The following LYN variants were observed in gnomAD, a reference collection of about 807,000 sequenced individuals.
The protein encoded by LYN is LYN proto-oncogene, Src family tyrosine kinase.
A neutral mutation model predicts 65.0 loss-of-function variants in LYN; 12 were observed. The ratio of observed to expected loss-of-function variants is 0.18; its 90% CI spans 0.12 to 0.30. The LOEUF is 0.30. Among genes scored for constraint, LYN ranks in the 10% least tolerant of loss-of-function variants. LYN has a pLI of 1.00. For synonymous variants in LYN, 222 were observed against 221.2 expected (o/e 1.00, Z -0.03); for missense variants, 380 against 623.2 (o/e 0.61, Z 4.16).
chr8:55,947,166 T>C (rs963833095), intron 3 of LYN, among the ~76,000 whole-genome samples: 3 of 152,212 alleles, frequency 2.0e-5, no homozygotes, highest in Admixed American at 6.5e-5. Flanking sequence ...GGAGAATAGC[T>C]TGAACCCAGG....
intron 1 of LYN, among the ~76,000 whole-genome samples, chr8:55,918,014 A>G (rs1361391200): frequency 6.6e-6 from 1 of 152,352 alleles, no homozygotes; most frequent in Middle Eastern, 3.4e-3. Flanking sequence ...TATTGCACCA[A>G]ACTGCACAAA....
At chr8:55,916,645 T>C (rs1805787935) in intron 1 of LYN, among the ~76,000 whole-genome samples, 1 of 152,148 alleles carries the variant, frequency 6.6e-6, no homozygotes, top group East Asian at 1.9e-4. Context: ...AATTCCACAA[T>C]GCCTCTCCCT....
chr8:55,993,002 TG>T (rs1352335125), intron 10 of LYN, among the ~76,000 whole-genome samples: 1 of 152,138 alleles, frequency 6.6e-6, no homozygotes, highest in East Asian at 1.9e-4. Context: ...GCATTTGCAG[TG>T]GGGGTAAGAT....
chr8:56,008,767 C>T (rs1174150444), intron 12 of LYN, among the ~76,000 whole-genome samples: 2 of 152,138 alleles, frequency 1.3e-5, no homozygotes, highest in Non-Finnish European at 2.9e-5. Flanking sequence ...CAGGAATATG[C>T]AAATCCAGAG....
intron 1 of LYN, among the ~76,000 whole-genome samples, chr8:55,881,959 A>T (rs1457424594): frequency 6.6e-6 from 1 of 152,224 alleles, no homozygotes; most frequent in Non-Finnish European, 1.5e-5. Flanking sequence ...AACTGAGGAC[A>T]TAGGGAGATG....
intron 1 of LYN, among the ~76,000 whole-genome samples, chr8:55,899,181 A>G (rs187105731): frequency 6.6e-6 from 1 of 152,312 alleles, no homozygotes; most frequent in Non-Finnish European, 1.5e-5. Context: ...ATATAGTAAG[A>G]ATAGCAATCC....
chr8:55,910,574 G>A (rs1379354147), intron 1 of LYN, among the ~76,000 whole-genome samples: 2 of 152,186 alleles, frequency 1.3e-5, no homozygotes, highest in Admixed American at 6.5e-5. Flanking sequence ...TTGAAGTCAA[G>A]TAATATGATG....
chr8:55,896,903 C>A, intron 1 of LYN, among the ~76,000 whole-genome samples: 1 of 152,122 alleles, frequency 6.6e-6, no homozygotes, highest in South Asian at 2.1e-4. Context: ...TCACCCCCAG[C>A]TAATTTTTGT....
At chr8:55,984,290 C>T (rs1269856541) in intron 10 of LYN, among the ~76,000 whole-genome samples, 1 of 152,168 alleles carries the variant, frequency 6.6e-6, no homozygotes, top group Non-Finnish European at 1.5e-5. Context: ...TCCGGCCACT[C>T]CGAAGCTTCT....
chr8:55,983,612 A>T (rs1285050538), intron 10 of LYN, among the ~76,000 whole-genome samples: 2 of 140,074 alleles, frequency 1.4e-5, no homozygotes, highest in Non-Finnish European at 3.0e-5. Flanking sequence ...CACTACATCC[A>T]AAGGGCACCC....
intron 1 of LYN, among the ~76,000 whole-genome samples, chr8:55,908,998 TATATATATATATACACACACACACACAC>T (rs146006739): frequency 0.25 from 15,674 of 63,054 alleles, 3,225 homozygotes; most frequent in Middle Eastern, 0.41. Flanking sequence ...TGTATATATA[TATATATATATATACACACACACACACAC>T]ACACACACAC....
chr8:55,933,356 G>A (rs1474081003), intron 1 of LYN, among the ~76,000 whole-genome samples: 1 of 152,188 alleles, frequency 6.6e-6, no homozygotes, highest in Non-Finnish European at 1.5e-5. Flanking sequence ...TATTTAACCA[G>A]TGACCTATAA....
intron 1 of LYN, among the ~76,000 whole-genome samples, chr8:55,891,887 T>C (rs1055632564): frequency 2.0e-5 from 3 of 152,218 alleles, no homozygotes; most frequent in African/African-American, 7.2e-5. Context: ...ACAGGATCTT[T>C]ACTCTTCGTC....
At chr8:55,950,366 T>G (rs1290577204) in intron 4 of LYN, 93 bp from the exon 5 acceptor site, 5 of 837,944 alleles carry the variant, frequency 6.0e-6, no homozygotes, top group Non-Finnish European at 7.7e-6. Context: ...TATCTGTACA[T>G]AAATACATAT....
In LYN at chr8:56,011,499, C is replaced by T. The variant is rs2668011; in HGVS notation, c.*1389C>T. 41,638 of 197,724 alleles carry T rather than the reference C, an allele frequency of 0.21. 4,865 individuals are homozygous for T. The highest frequency in any genetic ancestry group is 0.28 in the Middle Eastern group (167 of 586). The allele number at this position is 197,724 out of a possible 1,614,324, so 12.2% of individuals were successfully genotyped here. On this transcript the variant is annotated 3_prime_UTR_variant, in exon 13 of 13. Transcript: ENST00000519728. ...CAGAGCTACATGCTTTAAACTTGCC[C>T]AAGTTCTACCTCCTTCCTTTGAACA... is the stretch of plus-strand genomic sequence containing the variant.
chr8:55,998,508 C>A lies in LYN; in HGVS notation c.1204+9C>A. 1 of 1,597,062 alleles carries A rather than the reference C, an allele frequency of 6.3e-7. No individual in the cohort carries two copies. Among genetic ancestry groups the A allele is most frequent in the Non-Finnish European group, 8.6e-7 (1 of 1,165,640 alleles). ...GTACACAGCAAGGGAAGGTATGTTGCACTAATGATCTTTAGATGTTTTATT... is the reference window on the plus strand; with the variant it reads ...GTACACAGCAAGGGAAGGTATGTTGAACTAATGATCTTTAGATGTTTTATT... On this transcript the variant is annotated intron_variant, in intron 11 of 12. Transcript: ENST00000519728.
chr8:56,002,801 A>T (rs1019195384), intron 12 of LYN, among the ~76,000 whole-genome samples: 1 of 152,034 alleles, frequency 6.6e-6, no homozygotes, highest in Admixed American at 6.6e-5. Flanking sequence ...TCTTCAGGAG[A>T]TCGGGATCAG....
intron 1 of LYN, among the ~76,000 whole-genome samples, chr8:55,939,537 G>A (rs74392075): frequency 1.1e-4 from 16 of 152,028 alleles, no homozygotes; most frequent in African/African-American, 2.9e-4. Context: ...CGCAGTGGGG[G>A]GGGGACAGGG....
chr8:55,898,663 G>A (rs569604988), intron 1 of LYN, among the ~76,000 whole-genome samples: 2 of 152,270 alleles, frequency 1.3e-5, no homozygotes, highest in African/African-American at 2.4e-5. Flanking sequence ...GTGATTTTTA[G>A]TATGTTCACA....
Sources: gnomAD v4.1 joint callset for allele counts (sites outside exome capture counted in the v4.1 genomes callset) on GRCh38, gnomAD v4.1.1 for gene constraint, MANE v1.5 for transcripts, NCBI Gene and HGNC (gene_info 2026-07-23, HGNC 2026-07-21) for gene names.